FGGY: variants seen among roughly 807,000 people sequenced by gnomAD.
FGGY encodes FGGY carbohydrate kinase domain containing.
FGGY carries 72 observed loss-of-function variants against 71.3 expected under a neutral mutation model. That is an observed-to-expected ratio of 1.01 (90% confidence interval 0.84 to 1.23). FGGY has a LOEUF of 1.23. Among genes scored for constraint, FGGY ranks in the 50% most tolerant of loss-of-function variants. FGGY has a pLI of 0.00. For synonymous variants in FGGY, 251 were observed against 250.3 expected, an observed-to-expected ratio of 1.00 and a Z score of -0.02; for missense variants, 668 against 682.3, an observed-to-expected ratio of 0.98 and a Z score of 0.23.
intron 11 of FGGY, among the ~76,000 whole-genome samples, chr1:59,644,763 G>A (rs952985809): frequency 2.0e-5 from 3 of 152,226 alleles, no homozygotes; most frequent in Non-Finnish European, 4.4e-5. Flanking sequence ...GGATCACGAG[G>A]TCAAGAGATT....
intron 2 of FGGY, among the ~76,000 whole-genome samples, chr1:59,330,690 A>G (rs2048308285): frequency 6.6e-6 from 1 of 152,158 alleles, no homozygotes; most frequent in African/African-American, 2.4e-5. Flanking sequence ...GACAATTGGA[A>G]CTGGAGGAAT....
At chr1:59,512,047 T>C (rs889255755) in intron 6 of FGGY, among the ~76,000 whole-genome samples, 3 of 152,212 alleles carry the variant, frequency 2.0e-5, no homozygotes, top group African/African-American at 7.2e-5. Flanking sequence ...TTTTGAAATT[T>C]CCCATTTTCA....
chr1:59,362,159 C>T (rs2055682992), intron 4 of FGGY, among the ~76,000 whole-genome samples: 1 of 152,044 alleles, frequency 6.6e-6, no homozygotes, highest in Non-Finnish European at 1.5e-5. Flanking sequence ...TTTTTGGTCT[C>T]TTTGTTCATC....
intron 8 of FGGY, among the ~76,000 whole-genome samples, chr1:59,599,046 T>C (rs2096550316): frequency 6.6e-6 from 1 of 152,230 alleles, no homozygotes; most frequent in Admixed American, 6.5e-5. Flanking sequence ...TCAGGGTTTA[T>C]GGAAGGCTTT....
At chr1:59,321,166 C>G (rs1323021569) in intron 1 of FGGY, among the ~76,000 whole-genome samples, 1 of 152,158 alleles carries the variant, frequency 6.6e-6, no homozygotes, top group Non-Finnish European at 1.5e-5. Context: ...GGCTTCTGTT[C>G]TTGTTGATTG....
At chr1:59,611,565 A>G (rs2153821311) in intron 9 of FGGY, among the ~76,000 whole-genome samples, 1 of 152,280 alleles carries the variant, frequency 6.6e-6, no homozygotes, top group East Asian at 1.9e-4. Flanking sequence ...AGAGCAGAAA[A>G]ACTGAAAATT....
At chr1:59,371,605 T>C (rs2057649850) in intron 4 of FGGY, among the ~76,000 whole-genome samples, 1 of 152,026 alleles carries the variant, frequency 6.6e-6, no homozygotes, top group Non-Finnish European at 1.5e-5. Context: ...AGAATATACA[T>C]TTTTTTTCAG....
intron 13 of FGGY, among the ~76,000 whole-genome samples, chr1:59,668,360 A>C (rs2097344218): frequency 6.6e-6 from 1 of 152,160 alleles, no homozygotes; most frequent in African/African-American, 2.4e-5. Context: ...GGGCAGGGCA[A>C]GGGGAGGGAA....
intron 8 of FGGY, among the ~76,000 whole-genome samples, chr1:59,568,173 G>A (rs549722067): frequency 6.6e-6 from 1 of 152,246 alleles, no homozygotes; most frequent in Admixed American, 6.5e-5. Context: ...GGTTAAGTCA[G>A]CTTTAAATGG....
At chr1:59,408,808 C>T (rs867702109) in intron 5 of FGGY, among the ~76,000 whole-genome samples, 33 of 152,170 alleles carry the variant, frequency 2.2e-4, no homozygotes, top group African/African-American at 5.5e-4. Context: ...TATGCATGGG[C>T]TTTCAAGCTA....
At chr1:59,695,896 G>T (rs545494013) in intron 14 of FGGY, among the ~76,000 whole-genome samples, 1 of 151,938 alleles carries the variant, frequency 6.6e-6, no homozygotes, top group African/African-American at 2.4e-5. Flanking sequence ...AGAAAGTCCT[G>T]TGGGTTTTTT....
chr1:59,554,012 C>A, intron 7 of FGGY, 112 bp from the exon 8 acceptor site: 1 of 821,814 alleles, frequency 1.2e-6, no homozygotes, highest in Non-Finnish European at 1.9e-6. Flanking sequence ...AGGACCCTTC[C>A]TCCATGTTGT....
rs191024187 is a variant in FGGY at position 59,695,062 on chromosome 1, A to G, written c.1512+20929A>G. Among the ~76,000 whole-genome samples the G allele has an allele frequency of 1.7e-4, 26 of 152,374 alleles. No homozygotes were observed. The East Asian group carries it at 5.0e-3, about 29-fold the overall frequency. On this transcript the variant is annotated intron_variant, in intron 14 of 15. Transcript: ENST00000303721. ...AGCCTTAAGCATAGTACCACAAAAC[A>G]GGTTTGAAAACTCCTACTAATCCTT...
chr1:59,661,424 T>C (rs976979819), intron 12 of FGGY, among the ~76,000 whole-genome samples: 3 of 152,202 alleles, frequency 2.0e-5, no homozygotes, highest in African/African-American at 7.2e-5. Context: ...CCTTTTAGAT[T>C]CTACACTAGT....
intron 9 of FGGY, among the ~76,000 whole-genome samples, chr1:59,614,950 A>G (rs1166601714): frequency 6.6e-6 from 1 of 152,250 alleles, no homozygotes. Context: ...AAGGGATGTG[A>G]ATGACCTCTT....
chr1:59,314,882 G>A (rs1028620087), intron 1 of FGGY, among the ~76,000 whole-genome samples: 12 of 152,304 alleles, frequency 7.9e-5, no homozygotes, highest in Admixed American at 5.2e-4. Flanking sequence ...TCTGCACTCC[G>A]TCTTGGAGCT....
At chr1:59,441,190 C>CA (rs201874979) in intron 5 of FGGY, among the ~76,000 whole-genome samples, 1,842 of 152,202 alleles carry the variant, frequency 0.012, 32 homozygotes, top group African/African-American at 0.042. Context: ...ACCTAGTACT[C>CA]ACGTCTATCT....
rs148860852 is a variant in FGGY at position 59,520,756 on chromosome 1, C to T, written c.799+8317C>T. The stretch of plus-strand genomic sequence containing the variant: ...TTTAAGAAAATATAGATTCCCATGC[C>T]CTACCCTGCTGAGGATGCCTGGAAT... On this transcript the variant is annotated intron_variant, in intron 7 of 15. Coordinates refer to ENST00000303721, the MANE Select transcript of FGGY (RefSeq NM_018291.5). Among the ~76,000 whole-genome samples the T allele has an allele frequency of 3.6e-4, 54 of 152,068 alleles. 1 individual carries two copies. In the East Asian group the frequency reaches 6.6e-3, roughly 18 times the overall value.
intron 5 of FGGY, among the ~76,000 whole-genome samples, chr1:59,414,229 G>A (rs1557848180): frequency 6.6e-6 from 1 of 152,180 alleles, no homozygotes; most frequent in Non-Finnish European, 1.5e-5. Flanking sequence ...CCAGAAAGAG[G>A]ACTAAGGGTG....
Sources: gnomAD v4.1 joint callset for allele counts (sites outside exome capture counted in the v4.1 genomes callset) on GRCh38, gnomAD v4.1.1 for gene constraint, MANE v1.5 for transcripts, NCBI Gene and HGNC (gene_info 2026-07-23, HGNC 2026-07-21) for gene names.